The following AP5M1 variants were observed in gnomAD, a reference collection of about 807,000 sequenced individuals.
AP5M1 encodes AP-5 complex subunit mu-1.
AP5M1 carries 44 observed loss-of-function variants against 52.3 expected under a neutral mutation model. That is an observed-to-expected ratio of 0.84 (90% CI 0.66 to 1.08). The LOEUF is 1.08. AP5M1 is among the 50% of genes least tolerant of loss of function. The pLI, the probability that AP5M1 is intolerant of heterozygous loss-of-function variation, is 0.00. For synonymous variants in AP5M1, 213 were observed against 199.0 expected (o/e 1.07, Z -0.59); for missense variants, 526 against 568.4 (o/e 0.93, Z 0.76).
chr14:57,282,280 C>T (rs780458319), intron 4 of AP5M1, 52 bp downstream of exon 4: 4 of 1,334,560 alleles, frequency 3.0e-6, no homozygotes, highest in Non-Finnish European at 4.0e-6. Flanking sequence ...AATACATTTC[C>T]ACTGTCCCAC....
rs78696970 is a variant in AP5M1, at chr14:57,284,209, G to A, written c.1293+979G>A. Among the ~76,000 whole-genome samples, 574 of 152,258 alleles carry A rather than the reference G, an allele frequency of 3.8e-3. 4 individuals carry two copies. The highest frequency in any genetic ancestry group is 0.013 in the African/African-American group (543 of 41,530). ...GCATGAATATGAAGACTTGAAGATT[G>A]ACTAACATTTGTTTAGGTAAAGAAA... On this transcript the variant is annotated intron_variant, in intron 6 of 7. Coordinates refer to ENST00000261558, the MANE Select transcript of AP5M1 (RefSeq NM_018229.4).
intron 3 of AP5M1, among the ~76,000 whole-genome samples, chr14:57,280,710 G>T (rs1012803105): frequency 3.9e-5 from 6 of 152,046 alleles, no homozygotes; most frequent in Admixed American, 6.6e-5. Context: ...AGTTAGCCAG[G>T]CGTGGTGTCA....
At position 57,284,479 on chromosome 14, in the gene AP5M1, A is replaced by G. The variant is rs1420703911; in HGVS notation, c.1293+1249A>G. Reference sequence around the variant, plus strand: ...TGAGTAAAAAAATTAGAGACAAGCCATTCTGTAACATATTAATATTCCATA... The same window carrying G: ...TGAGTAAAAAAATTAGAGACAAGCCGTTCTGTAACATATTAATATTCCATA... On this transcript the variant is annotated intron_variant, in intron 6 of 7. Transcript: ENST00000261558. 3.9e-5 allele frequency among the ~76,000 whole-genome samples: 6 copies of G among 152,328 alleles called. No individual in the cohort carries two copies. The East Asian group carries it at 9.7e-4, about 25-fold the overall frequency.
rs1464000401 is a variant in AP5M1, at chr14:57,288,884, A to C, written c.1473A>C (p.Ter491TyrextTer1). ...APVTYGSLLL[*>Y] is the part of the protein sequence containing the mutation. ...TAACATATGGATCATTATTATTGTA[A>C]TAGTCTCATGTTTAAATGGGATTAT... Residue 491 changes from the stop codon to tyrosine (Y), a stop_lost, in exon 8 of 8, where the codon TAA (stop) becomes TAC (tyrosine). Coordinates refer to ENST00000261558, the MANE Select transcript of AP5M1 (RefSeq NM_018229.4). The C allele has an allele frequency of 6.7e-7, 1 of 1,496,994 alleles. No individual in the cohort carries two copies. The highest frequency in any genetic ancestry group is 9.2e-7 in the Non-Finnish European group (1 of 1,082,748). The allele number at this position is 1,496,994 out of a possible 1,614,324, so 92.7% of individuals were successfully genotyped here.
intron 1 of AP5M1, among the ~76,000 whole-genome samples, chr14:57,272,883 TTTTG>T (rs200485203): frequency 0.011 from 1,708 of 152,202 alleles, 104 homozygotes; most frequent in Admixed American, 0.096. Context: ...CTTTTGGGTT[TTTTG>T]TTTGTTTGTT....
rs553391770 is a variant in AP5M1 at position 57,294,663 on chromosome 14, T to A, written c.*5779T>A. 7 of 152,006 alleles carry A rather than the reference T, an allele frequency of 4.6e-5. No homozygotes were observed. The highest frequency in any genetic ancestry group is 8.8e-5 in the Non-Finnish European group (6 of 67,854). 9.4% of individuals were successfully genotyped at this position (152,006 alleles called of 1,614,324 possible). A position where few individuals can be genotyped will look rare whatever the true frequency, so the allele number is the denominator to read the frequency against. The stretch of plus-strand genomic sequence containing the variant: ...GATACCATTGAACTTCCAGACTACT[T>A]AGCTGGGGCTCTTTAAATGTTGGAA... On this transcript the variant is annotated 3_prime_UTR_variant, in exon 8 of 8. Transcript: ENST00000261558.
At position 57,291,879 on chromosome 14, in the gene AP5M1, G is replaced by A. The variant is rs1231033690; in HGVS notation, c.*2995G>A. On this transcript the variant is annotated 3_prime_UTR_variant, in exon 8 of 8. Coordinates refer to ENST00000261558, the MANE Select transcript of AP5M1 (RefSeq NM_018229.4). ...GCTAGGTAGGTGGAATTATCATCCA[G>A]GCCTTCTGTAGGGACTGCTGCCACA... 6.6e-6 allele frequency: 1 copy of A among 151,670 alleles called. No homozygotes were observed. The highest frequency in any genetic ancestry group is 1.5e-5 in the Non-Finnish European group (1 of 67,768). 9.4% of individuals were successfully genotyped at this position (151,670 alleles called of 1,614,324 possible). A position where few individuals can be genotyped will look rare whatever the true frequency, so the allele number is the denominator to read the frequency against.
At chr14:57,288,088 A>G (rs1315621177) in intron 7 of AP5M1, among the ~76,000 whole-genome samples, 1 of 152,076 alleles carries the variant, frequency 6.6e-6, no homozygotes, top group African/African-American at 2.4e-5. Context: ...GAGAACAAAA[A>G]AGACAATATA....
At chr14:57,281,776 G>A (rs1885179943) in intron 3 of AP5M1, among the ~76,000 whole-genome samples, 1 of 152,212 alleles carries the variant, frequency 6.6e-6, no homozygotes, top group Non-Finnish European at 1.5e-5. Context: ...AGGAGCTGTG[G>A]GCAGGTTGGC....
Position 57,269,256 on chromosome 14 carries a change from C to G in AP5M1, c.-59C>G. The stretch of plus-strand genomic sequence containing the variant: ...GAGTCTGTCTGAGAAAGCCGGTCTG[C>G]GCTGTTCCTCGGTGGCGACCTTAAT... On this transcript the variant is annotated 5_prime_UTR_variant, in exon 1 of 8. Coordinates refer to ENST00000261558, the MANE Select transcript of AP5M1 (RefSeq NM_018229.4). The G allele has an allele frequency of 6.6e-7, 1 of 1,524,878 alleles. No individual in the cohort carries two copies. Among genetic ancestry groups the G allele is most frequent in the Non-Finnish European group, 9.1e-7 (1 of 1,101,400 alleles). 94.5% of individuals were successfully genotyped at this position (1,524,878 alleles called of 1,614,324 possible).
In AP5M1 at chr14:57,282,911, A is replaced by G. The variant is rs77139410; in HGVS notation, c.1089-23A>G. The G allele has an allele frequency of 6.7e-6, 10 of 1,494,918 alleles. No individual in the cohort carries two copies. The African/African-American group carries it at 7.1e-5, about 11-fold the overall frequency. The allele number at this position is 1,494,918 out of a possible 1,614,324, so 92.6% of individuals were successfully genotyped here. A position where few individuals can be genotyped will look rare whatever the true frequency, so the allele number is the denominator to read the frequency against. On this transcript the variant is annotated intron_variant, in intron 4 of 7. Transcript: ENST00000261558. Reference sequence around the variant, plus strand: ...ACTGTTATATCTATGATCTTTTTCTATTTTATCCTTTTCTTTTTAAAGAGG... The same window carrying G: ...ACTGTTATATCTATGATCTTTTTCTGTTTTATCCTTTTCTTTTTAAAGAGG...
chr14:57,281,401 T>C (rs1885171309), intron 3 of AP5M1, among the ~76,000 whole-genome samples: 1 of 152,220 alleles, frequency 6.6e-6, no homozygotes. Context: ...CAAATTTATT[T>C]TGAGAATGCA....
Position 57,298,386 on chromosome 14 carries a change from T to G in AP5M1, c.*9502T>G, listed in dbSNP as rs1472370278. 2.6e-5 allele frequency: 4 copies of G among 152,214 alleles called. No individual in the cohort carries two copies. The highest frequency in any genetic ancestry group is 5.9e-5 in the Non-Finnish European group (4 of 68,040). The allele number at this position is 152,214 out of a possible 1,614,324, so 9.4% of individuals were successfully genotyped here. The stretch of plus-strand genomic sequence containing the variant: ...TACAGTCTTTGAAGTCACACAGGCC[T>G]GATTTCAAATCCCAGCTCTGTCATT... On this transcript the variant is annotated 3_prime_UTR_variant, in exon 8 of 8. Coordinates refer to ENST00000261558, the MANE Select transcript of AP5M1 (RefSeq NM_018229.4).
intron 2 of AP5M1, among the ~76,000 whole-genome samples, chr14:57,279,229 C>T (rs1340620217): frequency 1.3e-5 from 2 of 152,082 alleles, no homozygotes; most frequent in African/African-American, 4.8e-5. Context: ...TACATACACA[C>T]GTATGTTCAT....
chr14:57,282,279 C>A, intron 4 of AP5M1, 51 bp downstream of exon 4: 1 of 1,337,242 alleles, frequency 7.5e-7, no homozygotes, highest in South Asian at 1.6e-5. Flanking sequence ...TAATACATTT[C>A]CACTGTCCCA....
In AP5M1 at chr14:57,289,393, T is replaced by C. The variant is rs1490561248; in HGVS notation, c.*509T>C. 2 of 152,120 alleles carry C rather than the reference T, an allele frequency of 1.3e-5. No homozygotes were observed. The highest frequency in any genetic ancestry group is 2.9e-5 in the Non-Finnish European group (2 of 68,048). The allele number at this position is 152,120 out of a possible 1,614,324, so 9.4% of individuals were successfully genotyped here. On this transcript the variant is annotated 3_prime_UTR_variant, in exon 8 of 8. Coordinates refer to ENST00000261558, the MANE Select transcript of AP5M1 (RefSeq NM_018229.4). ...TGTTGTTACAGAATACCAGAGACCATGTTAGAGACAACTACATCTCTTCAA... is the reference window on the plus strand; with the variant it reads ...TGTTGTTACAGAATACCAGAGACCACGTTAGAGACAACTACATCTCTTCAA...
chr14:57,287,281 A>G (rs1885333119), intron 7 of AP5M1, among the ~76,000 whole-genome samples: 1 of 152,118 alleles, frequency 6.6e-6, no homozygotes, highest in African/African-American at 2.4e-5. Context: ...TAGGGTTCCT[A>G]AAATAAAAAG....
chr14:57,269,190 A>ACC lies in AP5M1; in HGVS notation c.-124_-123dup, dbSNP rs2139680911. The ACC allele has an allele frequency of 1.1e-6, 1 of 888,822 alleles. No homozygotes were observed. The highest frequency in any genetic ancestry group is 2.4e-5 in the East Asian group (1 of 41,082). The allele number at this position is 888,822 out of a possible 1,614,324, so 55.1% of individuals were successfully genotyped here. ...AAAGCTAACCTCTCTGCTGAGCGCG[A>ACC]CCGGTATGCGGCGCAGGATGAGCCT... On this transcript the variant is annotated 5_prime_UTR_variant, in exon 1 of 8. Coordinates refer to ENST00000261558, the MANE Select transcript of AP5M1 (RefSeq NM_018229.4).
chr14:57,288,916 A>G lies in AP5M1; in HGVS notation c.*32A>G, dbSNP rs1250757387. ...CATGTTTAAATGGGATTATATAATG[A>G]TAACAGTTTAAAGAAAATCATAATC... On this transcript the variant is annotated 3_prime_UTR_variant, in exon 8 of 8. Transcript: ENST00000261558. The G allele has an allele frequency of 2.4e-6, 3 of 1,259,922 alleles. No individual in the cohort carries two copies. The highest frequency in any genetic ancestry group is 1.3e-5 in the South Asian group (1 of 75,668). The allele number at this position is 1,259,922 out of a possible 1,614,324, so 78.0% of individuals were successfully genotyped here.
Sources: gnomAD v4.1 joint callset for allele counts (sites outside exome capture counted in the v4.1 genomes callset) on GRCh38, gnomAD v4.1.1 for gene constraint, MANE v1.5 for transcripts, NCBI Gene and HGNC (gene_info 2026-07-23, HGNC 2026-07-21) for gene names.